The following DLGAP4 variants were observed in gnomAD, a reference collection of about 807,000 sequenced individuals.
DLGAP4 encodes DLG associated protein 4.
DLGAP4 carries 18 observed loss-of-function variants against 86.9 expected under a neutral mutation model. That is an observed-to-expected ratio of 0.21 (90% CI 0.14 to 0.31). DLGAP4 has a LOEUF of 0.31. Ranked by LOEUF, DLGAP4 falls within the 10% of genes least tolerant of loss-of-function variation. The pLI is 1.00. For missense variants in DLGAP4, 1,085 were observed against 1,362.6 expected (o/e 0.80, Z 3.21); for synonymous variants, 548 against 574.3 (o/e 0.95, Z 0.65).
chr20:36,403,664 C>T (rs2032229984), intron 2 of DLGAP4, among the ~76,000 whole-genome samples: 1 of 152,236 alleles, frequency 6.6e-6, no homozygotes, highest in Non-Finnish European at 1.5e-5. Context: ...TTATCTATTG[C>T]TGCAAAACAA....
chr20:36,475,498 C>A (rs900574121), intron 7 of DLGAP4, among the ~76,000 whole-genome samples: 1 of 152,190 alleles, frequency 6.6e-6, no homozygotes, highest in Non-Finnish European at 1.5e-5. Flanking sequence ...CGTGAGCCAC[C>A]AAGCCCGGCT....
At chr20:36,418,206 C>T (rs917449719) in intron 2 of DLGAP4, among the ~76,000 whole-genome samples, 26 of 152,078 alleles carry the variant, frequency 1.7e-4, no homozygotes, top group East Asian at 1.9e-4. Flanking sequence ...CTCTGCCTCC[C>T]GGGTTCCAGC....
chr20:36,461,649 AC>A, intron 7 of DLGAP4: 1 of 730,850 alleles, frequency 1.4e-6, no homozygotes, highest in Non-Finnish European at 1.5e-6. Flanking sequence ...CCGCGAGGAG[AC>A]GGGGGCCGCC....
chr20:36,477,962 TC>T (rs1289493435), intron 7 of DLGAP4, among the ~76,000 whole-genome samples: 1 of 152,236 alleles, frequency 6.6e-6, no homozygotes, highest in African/African-American at 2.4e-5. Context: ...GGTCAGTCTT[TC>T]GAAGGACAGT....
intron 7 of DLGAP4, among the ~76,000 whole-genome samples, chr20:36,460,743 G>A (rs756247887): frequency 1.3e-5 from 2 of 152,220 alleles, no homozygotes; most frequent in African/African-American, 2.4e-5. Context: ...GAGGAGGCGT[G>A]AAGGCACCAC....
intron 1 of DLGAP4, among the ~76,000 whole-genome samples, chr20:36,318,495 C>T (rs1469009932): frequency 6.6e-6 from 1 of 152,194 alleles, no homozygotes; most frequent in African/African-American, 2.4e-5. Flanking sequence ...CACTCAGCCT[C>T]CCGAGTAGCT....
intron 2 of DLGAP4, among the ~76,000 whole-genome samples, chr20:36,410,977 TTTTTGTTTTG>T (rs555027714): frequency 2.0e-4 from 30 of 152,042 alleles, no homozygotes; most frequent in Admixed American, 3.3e-4. Context: ...TTCAAATTCT[TTTTTGTTTTG>T]TTTTGTTTTG....
At chr20:36,427,581 T>A (rs1425876765) in intron 2 of DLGAP4, among the ~76,000 whole-genome samples, 1 of 152,126 alleles carries the variant, frequency 6.6e-6, no homozygotes, top group Non-Finnish European at 1.5e-5. Context: ...TTACTAAATG[T>A]CACTAAATTG....
intron 1 of DLGAP4, among the ~76,000 whole-genome samples, chr20:36,316,240 TGCTCATG>T (rs1191644554): frequency 6.6e-6 from 1 of 152,174 alleles, no homozygotes; most frequent in Non-Finnish European, 1.5e-5. Flanking sequence ...CACATCCAGC[TGCTCATG>T]GCCCAGAGCC....
rs371355684 is a variant in DLGAP4, at chr20:36,500,436, A to T, written c.2337A>T (p.Pro779=). The change falls in exon 10 of 13, where the codon CCA becomes CCT. Residue 779 remains proline (P), a synonymous_variant. Coordinates refer to ENST00000339266, the MANE Select transcript of DLGAP4 (RefSeq NM_001365621.2). The surrounding 1 kb of genome is among the most constrained non-coding windows in gnomAD (Gnocchi z 4.6). ...CCCTAGAGGCGTCCTCGCTGCCCCC[A>T]CCCGACCCCTGGCTCGAGACCTCCT... ...DPALEASSLP[P]PDPWLETSSS... 6.4e-6 allele frequency: 10 copies of T among 1,572,436 alleles called. No individual in the cohort carries two copies. Among genetic ancestry groups the T allele is most frequent in the Non-Finnish European group, 7.8e-6 (9 of 1,156,516 alleles).
intron 10 of DLGAP4, among the ~76,000 whole-genome samples, chr20:36,505,534 C>T (rs932526937): frequency 7.2e-5 from 11 of 151,864 alleles, no homozygotes; most frequent in South Asian, 6.3e-4. Flanking sequence ...CAGCACTTTT[C>T]GAGGCCAAGG....
At chr20:36,518,127 CAGG>C (rs1279005088) in intron 10 of DLGAP4, among the ~76,000 whole-genome samples, 2 of 151,874 alleles carry the variant, frequency 1.3e-5, no homozygotes, top group South Asian at 2.1e-4. Context: ...GATGCTGAGG[CAGG>C]AGAATTGCTT....
At chr20:36,413,142 G>T (rs2032550720) in intron 2 of DLGAP4, among the ~76,000 whole-genome samples, 1 of 151,572 alleles carries the variant, frequency 6.6e-6, no homozygotes, top group Non-Finnish European at 1.5e-5. Context: ...ACCACACCTG[G>T]CTATTTTTTG....
At chr20:36,383,499 T>C (rs540675876) in intron 2 of DLGAP4, among the ~76,000 whole-genome samples, 1 of 151,928 alleles carries the variant, frequency 6.6e-6, no homozygotes, top group Admixed American at 6.6e-5. Context: ...CCTGCTTGTG[T>C]CTGAAATGAA....
chr20:36,402,497 C>T (rs1285024171), intron 2 of DLGAP4, among the ~76,000 whole-genome samples: 2 of 152,146 alleles, frequency 1.3e-5, no homozygotes, highest in African/African-American at 2.4e-5. Context: ...CCTGTCATCC[C>T]AGCACTTTGG....
intron 1 of DLGAP4, among the ~76,000 whole-genome samples, chr20:36,318,289 C>T (rs1409360840): frequency 8.5e-5 from 13 of 152,092 alleles, no homozygotes; most frequent in African/African-American, 3.1e-4. Context: ...CCAACATGCC[C>T]TGGGGCTCTA....
At chr20:36,461,619 CGCCCGG>C in intron 7 of DLGAP4, 1 of 939,386 alleles carries the variant, frequency 1.1e-6, no homozygotes, top group Non-Finnish European at 1.3e-6. Context: ...CGCCCAGCGC[CGCCCGG>C]AGCAGCCGCG....
Position 36,435,671 on chromosome 20 carries a change from C to G in DLGAP4, c.1000-438C>G, listed in dbSNP as rs529865121. Among the ~76,000 whole-genome samples the G allele has an allele frequency of 5.5e-4, 84 of 152,324 alleles. 1 individual carries two copies. Among genetic ancestry groups the G allele is most frequent in the African/African-American group, 1.9e-3 (80 of 41,580 alleles). ...TGCTGATGTGCCAGGGTCGTCTGAT[C>G]CCCCATTCTAGGCTCAGGCTCTGGA... On this transcript the variant is annotated intron_variant, in intron 3 of 12. Coordinates refer to ENST00000339266, the MANE Select transcript of DLGAP4 (RefSeq NM_001365621.2).
intron 7 of DLGAP4, among the ~76,000 whole-genome samples, chr20:36,452,327 C>T (rs2033757722): frequency 6.6e-6 from 1 of 151,974 alleles, no homozygotes; most frequent in African/African-American, 2.4e-5. Flanking sequence ...CAGAGTCATG[C>T]AGTACCATGC....
Sources: allele counts gnomAD v4.1 joint callset (sites outside exome capture counted in the v4.1 genomes callset), GRCh38; gene constraint gnomAD v4.1.1; non-coding constraint Gnocchi (gnomAD v3.1); transcripts MANE v1.5; gene names NCBI Gene and HGNC (gene_info 2026-07-23, HGNC 2026-07-21).